SCYL2: variants seen among roughly 807,000 people sequenced by gnomAD.
The protein encoded by SCYL2 is SCY1 like pseudokinase 2.
SCYL2 carries 36 observed loss-of-function variants against 100.4 expected under a neutral mutation model. The observed-to-expected ratio is 0.36, with a 90% CI of 0.27 to 0.47. SCYL2 has a LOEUF of 0.47. Ranked by LOEUF, SCYL2 falls within the 20% of genes least tolerant of loss-of-function variation. The pLI, the probability that SCYL2 is intolerant of heterozygous loss-of-function variation, is 1.00. For missense variants in SCYL2, 902 were observed against 1,083.9 expected (o/e 0.83, Z 2.36); for synonymous variants, 330 against 359.2 (o/e 0.92, Z 0.92).
intron 7 of SCYL2, among the ~76,000 whole-genome samples, chr12:100,314,171 C>T (rs535549935): frequency 2.0e-5 from 3 of 152,314 alleles, no homozygotes; most frequent in South Asian, 2.1e-4. Flanking sequence ...AGCCACCGTG[C>T]CCGGGCCAAC....
At chr12:100,319,254 C>A in intron 10 of SCYL2, 1 of 455,880 alleles carries the variant, frequency 2.2e-6, no homozygotes, top group Non-Finnish European at 4.4e-6. Flanking sequence ...GGGTATGCTG[C>A]CTTTGTCCAA....
Position 100,311,135 on chromosome 12 carries a change from C to G in SCYL2, c.572C>G (p.Ala191Gly). Residue 191 changes from alanine (A) to glycine (G), a missense_variant, in exon 5 of 18, where the codon GCC (alanine) becomes GGC (glycine). Ala to Gly is a moderately conservative substitution (Grantham distance 60). Coordinates refer to ENST00000360820, the MANE Select transcript of SCYL2 (RefSeq NM_017988.6). ...AATATAATTTTGAATAAAAGTGGAGCCTGGAAAATAATGGGTTTTGATTTT... is the reference window on the plus strand; with the variant it reads ...AATATAATTTTGAATAAAAGTGGAGGCTGGAAAATAATGGGTTTTGATTTT... Reference protein sequence around the residue: ...PENIILNKSGAWKIMGFDFCV... With the variant: ...PENIILNKSGGWKIMGFDFCV... 1 of 1,608,920 alleles carries G rather than the reference C, an allele frequency of 6.2e-7. No individual in the cohort carries two copies. The highest frequency in any genetic ancestry group is 8.5e-7 in the Non-Finnish European group (1 of 1,177,904).
Position 100,339,177 on chromosome 12 carries a change from T to C in SCYL2, c.*5T>C. 6.2e-7 allele frequency: 1 copy of C among 1,607,334 alleles called. No individual in the cohort carries two copies. Among genetic ancestry groups the C allele is most frequent in the Non-Finnish European group, 8.5e-7 (1 of 1,177,104 alleles). On this transcript the variant is annotated 3_prime_UTR_variant, in exon 18 of 18. Transcript: ENST00000360820. ...TTAAAAGATCTTTTTGGGTGAGGTG[T>C]CTTACTTCTATTTTGAAGGATTATT...
chr12:100,281,122 G>T (rs549356801), intron 1 of SCYL2, among the ~76,000 whole-genome samples: 1 of 136,408 alleles, frequency 7.3e-6, no homozygotes, highest in South Asian at 2.5e-4. Flanking sequence ...TCCCTCTCCC[G>T]GGCTCAAACG....
intron 13 of SCYL2, among the ~76,000 whole-genome samples, chr12:100,330,983 C>T (rs1952202755): frequency 6.6e-6 from 1 of 151,926 alleles, no homozygotes; most frequent in African/African-American, 2.4e-5. Flanking sequence ...CATGAGGCAC[C>T]ATGCCTGGCT....
At chr12:100,308,351 G>A (rs1214131245) in intron 4 of SCYL2, among the ~76,000 whole-genome samples, 1 of 152,258 alleles carries the variant, frequency 6.6e-6, no homozygotes, top group South Asian at 2.1e-4. Context: ...CGTGGATGAA[G>A]CTGGAAACTA....
chr12:100,267,479 A>G lies in SCYL2; in HGVS notation c.-342A>G, dbSNP rs2153928254. On this transcript the variant is annotated 5_prime_UTR_variant, in exon 1 of 18. An upstream start codon of the reference 5' UTR is lost. Transcript: ENST00000360820. ...GGCTCCCGGAGCCGGCGAGGAGGGA[A>G]TGGAGGACTCGCGCCCGGGTTAGGC... 1 of 163,126 alleles carries G rather than the reference A, an allele frequency of 6.1e-6. No homozygotes were observed. Among genetic ancestry groups the G allele is most frequent in the Middle Eastern group, 3.0e-3 (1 of 328 alleles). 10.1% of individuals were successfully genotyped at this position (163,126 alleles called of 1,614,324 possible).
chr12:100,276,188 C>T (rs530065154), intron 1 of SCYL2, among the ~76,000 whole-genome samples: 5 of 152,198 alleles, frequency 3.3e-5, no homozygotes, highest in Admixed American at 2.6e-4. Context: ...CTTCTATTTT[C>T]TGGGAGAGTT....
chr12:100,269,969 T>C (rs1338478866), intron 1 of SCYL2, among the ~76,000 whole-genome samples: 1 of 152,102 alleles, frequency 6.6e-6, no homozygotes, highest in Non-Finnish European at 1.5e-5. Context: ...TTTCATACAT[T>C]GTATTTGAGA....
intron 13 of SCYL2, 47 bp downstream of exon 13, chr12:100,329,366 T>C: frequency 1.1e-6 from 1 of 904,120 alleles, no homozygotes; most frequent in Non-Finnish European, 1.8e-6. Context: ...CTTACTTTTT[T>C]CTTGGCATTA....
Position 100,314,633 on chromosome 12 carries a change from C to T in SCYL2, c.1095+19C>T, listed in dbSNP as rs754903429. The T allele has an allele frequency of 6.3e-7, 1 of 1,574,906 alleles. No individual in the cohort carries two copies. On this transcript the variant is annotated intron_variant, in intron 8 of 17. Coordinates refer to ENST00000360820, the MANE Select transcript of SCYL2 (RefSeq NM_017988.6). ...GCCCAAGGTTTGTTATTGTTAGTTTCTTATTAATAATCAGGATTTTAGAAG... is the reference window on the plus strand; with the variant it reads ...GCCCAAGGTTTGTTATTGTTAGTTTTTTATTAATAATCAGGATTTTAGAAG...
At chr12:100,309,133 T>TGTGTGTGC (rs1442815826) in intron 4 of SCYL2, among the ~76,000 whole-genome samples, 2,319 of 150,056 alleles carry the variant, frequency 0.015, 26 homozygotes, top group African/African-American at 0.021. Flanking sequence ...TGTGTGTGTG[T>TGTGTGTGC]GCGCGCGCGT....
chr12:100,318,828 T>C (rs1044083481), intron 10 of SCYL2, among the ~76,000 whole-genome samples: 16 of 152,234 alleles, frequency 1.1e-4, no homozygotes, highest in African/African-American at 3.4e-4. Flanking sequence ...TTATAACTTT[T>C]GTTCCACAAA....
Position 100,278,670 on chromosome 12 carries a change from G to A in SCYL2, c.-28-4273G>A, listed in dbSNP as rs573908967. ...TTTTGAGATGGAGTCTTGCTCCCTC[G>A]CCAAGCTGGAGTGCAGTGGCGTGAT... is the stretch of plus-strand genomic sequence containing the variant. On this transcript the variant is annotated intron_variant, in intron 1 of 17. Coordinates refer to ENST00000360820, the MANE Select transcript of SCYL2 (RefSeq NM_017988.6). Among the ~76,000 whole-genome samples, 36 of 135,462 alleles carry A rather than the reference G, an allele frequency of 2.7e-4. No individual in the cohort carries two copies. In the East Asian group the frequency reaches 4.4e-3, roughly 16 times the overall value. 88.9% of individuals were successfully genotyped at this position (135,462 alleles called of 152,430 possible).
At chr12:100,269,501 A>T (rs1229681426) in intron 1 of SCYL2, among the ~76,000 whole-genome samples, 1 of 152,062 alleles carries the variant, frequency 6.6e-6, no homozygotes, top group Non-Finnish European at 1.5e-5. Flanking sequence ...GTAAGTGCTG[A>T]ATGTTTATTA....
chr12:100,275,884 G>T (rs2135803262), intron 1 of SCYL2, among the ~76,000 whole-genome samples: 1 of 152,246 alleles, frequency 6.6e-6, no homozygotes, highest in East Asian at 1.9e-4. Flanking sequence ...TTTTTATTAT[G>T]AATTGGTATT....
chr12:100,295,797 G>C (rs2096319532), intron 3 of SCYL2, among the ~76,000 whole-genome samples: 1 of 136,968 alleles, frequency 7.3e-6, no homozygotes, highest in Admixed American at 7.2e-5. Flanking sequence ...GAGGGAGAGG[G>C]AGAGCTGGAT....
chr12:100,282,718 T>C (rs2096300258), intron 1 of SCYL2, among the ~76,000 whole-genome samples: 1 of 152,206 alleles, frequency 6.6e-6, no homozygotes, highest in South Asian at 2.1e-4. Context: ...TATCTTTTCC[T>C]GGTCAGTGAG....
intron 16 of SCYL2, among the ~76,000 whole-genome samples, 170 bp from the exon 17 acceptor site, chr12:100,337,211 CTAAAGT>C (rs1337945581): frequency 6.6e-6 from 1 of 151,990 alleles, no homozygotes; most frequent in East Asian, 1.9e-4. Context: ...GAGTTTTTAT[CTAAAGT>C]TAAATTATAT....
Sources: allele counts gnomAD v4.1 joint callset (sites outside exome capture counted in the v4.1 genomes callset), GRCh38; gene constraint gnomAD v4.1.1; transcripts MANE v1.5; gene names NCBI Gene and HGNC (gene_info 2026-07-23, HGNC 2026-07-21).